The following EML5 variants were observed in gnomAD, a reference collection of about 807,000 sequenced individuals.
The protein encoded by EML5 is EMAP like 5.
Under a neutral mutation model 250.0 loss-of-function variants are expected in EML5, and 120 were observed. That is an observed-to-expected ratio of 0.48 (90% CI 0.41 to 0.56). The LOEUF is 0.56. Ranked by LOEUF, EML5 falls within the 20% of genes least tolerant of loss-of-function variation. The probability of loss-of-function intolerance (pLI) is 0.00; values close to 1 mark genes in which losing one functional copy is unlikely to be tolerated. For missense variants in EML5, 2,006 were observed against 2,437.6 expected, an observed-to-expected ratio of 0.82 and a Z score of 3.73; for synonymous variants, 771 against 806.5, an observed-to-expected ratio of 0.96 and a Z score of 0.75.
rs1367072476 is a variant in EML5, at chr14:88,657,499, T to C, written c.3881A>G (p.Tyr1294Cys). 3.8e-6 allele frequency: 6 copies of C among 1,594,268 alleles called. No homozygotes were observed. The highest frequency in any genetic ancestry group is 5.1e-6 in the Non-Finnish European group (6 of 1,172,222). Residue 1294 changes from tyrosine (Y) to cysteine (C), a missense_variant, in exon 27 of 44, where the codon TAT becomes TGT. Coordinates refer to ENST00000554922, the MANE Select transcript of EML5 (RefSeq NM_183387.3). ...SDIDSEEDGGYDSDVTRENEI... is the reference protein window; with the variant it reads ...SDIDSEEDGGCDSDVTRENEI... ...ATTCTCCCTTGTAACATCACTGTCA[T>C]AGCCTACAATAAAAATATACGAGTA...
chr14:88,755,636 A>G (rs1307136426), intron 1 of EML5, among the ~76,000 whole-genome samples: 64 of 152,152 alleles, frequency 4.2e-4, no homozygotes, highest in Admixed American at 4.2e-3. Flanking sequence ...TGAGATGAAC[A>G]AGAAAATCAC....
chr14:88,765,856 C>T (rs1444326791), intron 1 of EML5, among the ~76,000 whole-genome samples: 1 of 152,178 alleles, frequency 6.6e-6, no homozygotes, highest in African/African-American at 2.4e-5. Flanking sequence ...AGAACAGTTA[C>T]TTCATGGCAT....
At chr14:88,746,105 C>G in intron 3 of EML5, 80 bp downstream of exon 3, 3 of 1,145,734 alleles carry the variant, frequency 2.6e-6, no homozygotes, top group Non-Finnish European at 3.8e-6. Context: ...TAACAAAATA[C>G]AGAAGAATAA....
At chr14:88,630,652 T>TA (rs1049761317) in intron 33 of EML5, among the ~76,000 whole-genome samples, 1 of 152,196 alleles carries the variant, frequency 6.6e-6, no homozygotes, top group African/African-American at 2.4e-5. Context: ...TCCCCTAGTA[T>TA]CTTCTCAGTT....
At position 88,620,515 on chromosome 14, in the gene EML5, A is replaced by G; in HGVS notation, c.5375+239T>C. On this transcript the variant is annotated intron_variant, in intron 39 of 43. Transcript: ENST00000554922. This position sits in a 1 kb window ranked among gnomAD's most constrained non-coding sequence, Gnocchi z 4.3. ...TTAATGGACATGGCTAAGTGTTAAC[A>G]TGAATTCATCAAACATTACCTACTA... 1 of 357,566 alleles carries G rather than the reference A, an allele frequency of 2.8e-6. No individual in the cohort carries two copies. The highest frequency in any genetic ancestry group is 4.3e-5 in the East Asian group (1 of 23,340). 22.1% of individuals were successfully genotyped at this position (357,566 alleles called of 1,614,324 possible). A position where few individuals can be genotyped will look rare whatever the true frequency, so the allele number is the denominator to read the frequency against.
chr14:88,664,699 T>G, intron 22 of EML5, 75 bp from the exon 23 acceptor site: 178 of 1,448,100 alleles, frequency 1.2e-4, no homozygotes, highest in Non-Finnish European at 1.4e-4. Flanking sequence ...CTAGAGTTAA[T>G]TTTCCTTTTC....
chr14:88,668,450 T>C (rs1047224442), intron 21 of EML5, among the ~76,000 whole-genome samples: 4 of 149,306 alleles, frequency 2.7e-5, no homozygotes, highest in Admixed American at 2.0e-4. Context: ...AAAAAGGGAA[T>C]GATAAATTGT....
chr14:88,714,132 C>G (rs1004156272), intron 9 of EML5, among the ~76,000 whole-genome samples: 1 of 152,044 alleles, frequency 6.6e-6, no homozygotes, highest in Non-Finnish European at 1.5e-5. Context: ...GCCACTATGC[C>G]CAGCCTGCAA....
intron 19 of EML5, 55 bp downstream of exon 19, chr14:88,687,161 A>C: frequency 7.5e-7 from 1 of 1,325,086 alleles, no homozygotes; most frequent in East Asian, 2.5e-5. Context: ...CACACACATT[A>C]ATGAGCAATT....
chr14:88,627,829 G>C lies in EML5; in HGVS notation c.4358-10C>G, dbSNP rs1217647575. The C allele has an allele frequency of 6.4e-7, 1 of 1,565,160 alleles. No homozygotes were observed. The highest frequency in any genetic ancestry group is 8.6e-7 in the Non-Finnish European group (1 of 1,158,314). On this transcript the variant is annotated splice_polypyrimidine_tract_variant and intron_variant, in intron 33 of 43. Transcript: ENST00000554922. ...ATAGAAGGAGCTGTAGCTAAATAAAGATAGTATCAAAAAGTTGTAATCTAC... is the reference window on the plus strand; with the variant it reads ...ATAGAAGGAGCTGTAGCTAAATAAACATAGTATCAAAAAGTTGTAATCTAC...
At position 88,712,404 on chromosome 14, in the gene EML5, T is replaced by C. The variant is rs2093422493; in HGVS notation, c.1524A>G (p.Val508=). ...ASWTCVSGLE[V]NGIWPKYSDI... ...CTGAATACTTGGGCCAAATTCCATT[T>C]ACTTCAAGGCCTGAAACACATGTCC... The change falls in exon 10 of 44, where the codon GTA becomes GTG. Residue 508 remains valine, a synonymous_variant. Coordinates refer to ENST00000554922, the MANE Select transcript of EML5 (RefSeq NM_183387.3). 1 of 1,613,572 alleles carries C rather than the reference T, an allele frequency of 6.2e-7. No individual in the cohort carries two copies. The highest frequency in any genetic ancestry group is 1.7e-5 in the Admixed American group (1 of 59,994).
In EML5 at chr14:88,756,505, T is replaced by C. The variant is rs545404488; in HGVS notation, c.198-1834A>G. 1.1e-3 allele frequency among the ~76,000 whole-genome samples: 172 copies of C among 152,012 alleles called. 1 individual carries two copies. Among genetic ancestry groups the C allele is most frequent in the South Asian group, 5.4e-3 (26 of 4,820 alleles). On this transcript the variant is annotated intron_variant, in intron 1 of 43. Coordinates refer to ENST00000554922, the MANE Select transcript of EML5 (RefSeq NM_183387.3). ...TATTAGATATTCTAGCCAAGAAAAA[T>C]AGGCCAGGAAAAGGAACAAAAAGTA... is the stretch of plus-strand genomic sequence containing the variant.
At chr14:88,730,103 T>C (rs550259072) in intron 7 of EML5, among the ~76,000 whole-genome samples, 4 of 152,242 alleles carry the variant, frequency 2.6e-5, no homozygotes, top group South Asian at 4.2e-4. Flanking sequence ...TACCAATGTA[T>C]ATATTAATAC....
At chr14:88,737,272 C>A (rs1421731915) in intron 6 of EML5, among the ~76,000 whole-genome samples, 2 of 152,216 alleles carry the variant, frequency 1.3e-5, no homozygotes, top group East Asian at 3.9e-4. Flanking sequence ...TGCTGTAACA[C>A]CCCCTTTGGG....
intron 8 of EML5, among the ~76,000 whole-genome samples, chr14:88,724,802 A>G (rs955380859): frequency 2.0e-5 from 3 of 152,192 alleles, no homozygotes; most frequent in African/African-American, 7.2e-5. Context: ...GCAAAACTGA[A>G]GAGCAGCCTC....
At chr14:88,690,886 A>C (rs2092942391) in intron 17 of EML5, among the ~76,000 whole-genome samples, 1 of 152,188 alleles carries the variant, frequency 6.6e-6, no homozygotes, top group African/African-American at 2.4e-5. Flanking sequence ...AGGGTGGGGA[A>C]ACAACAGGCT....
chr14:88,647,839 T>A (rs1299969554), intron 28 of EML5, among the ~76,000 whole-genome samples: 1 of 152,122 alleles, frequency 6.6e-6, no homozygotes, highest in African/African-American at 2.4e-5. Context: ...TTCTGCAATA[T>A]AATCTGAATT....
At chr14:88,640,149 C>G (rs1355575220) in intron 31 of EML5, among the ~76,000 whole-genome samples, 2,169 of 152,302 alleles carry the variant, frequency 0.014, 44 homozygotes, top group African/African-American at 0.05. Flanking sequence ...AGTGTTAGAT[C>G]ATCAAGGTAG....
chr14:88,639,932 G>GT (rs1482602835), intron 31 of EML5, among the ~76,000 whole-genome samples: 1 of 152,050 alleles, frequency 6.6e-6, no homozygotes, highest in African/African-American at 2.4e-5. Context: ...TCTGGTAGTA[G>GT]TAACAGTGAA....
Sources: allele counts gnomAD v4.1 joint callset (sites outside exome capture counted in the v4.1 genomes callset), GRCh38; gene constraint gnomAD v4.1.1; non-coding constraint Gnocchi (gnomAD v3.1); transcripts MANE v1.5; gene names NCBI Gene and HGNC (gene_info 2026-07-23, HGNC 2026-07-21).